Variants in MRPL12 observed in about 807,000 individuals in gnomAD.
MRPL12 encodes the protein mitochondrial ribosomal protein L12, also known as large ribosomal subunit protein bL12m.
MRPL12 carries 13 observed loss-of-function variants against 21.1 expected under a neutral mutation model. That is an observed-to-expected ratio of 0.62 (90% CI 0.40 to 0.98). The LOEUF is 0.98. Among genes scored for constraint, MRPL12 ranks in the 50% least tolerant of loss-of-function variants. MRPL12 has a pLI of 0.00. For synonymous variants in MRPL12, 126 were observed against 115.3 expected, an observed-to-expected ratio of 1.09 and a Z score of -0.60; for missense variants, 251 against 268.6, an observed-to-expected ratio of 0.93 and a Z score of 0.46.
At chr17:81,704,071 G>A (rs1176235106) in intron 1 of MRPL12, among the ~76,000 whole-genome samples, 173 bp from the exon 2 acceptor site, 2 of 152,142 alleles carry the variant, frequency 1.3e-5, no homozygotes, top group Non-Finnish European at 2.9e-5. Flanking sequence ...CGGACCCCTT[G>A]AGGTCTGAGA....
chr17:81,707,479 C>T lies in MRPL12; in HGVS notation c.*239C>T, dbSNP rs1173372869. 1.9e-6 allele frequency: 1 copy of T among 515,044 alleles called. No individual in the cohort carries two copies. The highest frequency in any genetic ancestry group is 3.5e-6 in the Non-Finnish European group (1 of 288,426). 31.9% of individuals were successfully genotyped at this position (515,044 alleles called of 1,614,324 possible). On this transcript the variant is annotated 3_prime_UTR_variant, in exon 5 of 5. Transcript: ENST00000333676. ...CCAGGACGCGCCACCGGTGAATGTGCCTCTGGTGGCTGCTGAGAAAAATAC... is the reference window on the plus strand; with the variant it reads ...CCAGGACGCGCCACCGGTGAATGTGTCTCTGGTGGCTGCTGAGAAAAATAC...
rs11546281 is a variant in MRPL12 at position 81,707,337 on chromosome 17, A to G, written c.*97A>G. ...GCTCCGCCCCCAGCACCAGGCGCCC[A>G]GTGGAGCCGTTTGGGAGAATTGCCT... On this transcript the variant is annotated 3_prime_UTR_variant, in exon 5 of 5. Transcript: ENST00000333676. The G allele has an allele frequency of 8.3e-7, 1 of 1,198,276 alleles. No individual in the cohort carries two copies. The highest frequency in any genetic ancestry group is 1.2e-6 in the Non-Finnish European group (1 of 855,890). 74.2% of individuals were successfully genotyped at this position (1,198,276 alleles called of 1,614,324 possible). A position where few individuals can be genotyped will look rare whatever the true frequency, so the allele number is the denominator to read the frequency against.
chr17:81,706,783 G>C, intron 3 of MRPL12, 123 bp from the exon 4 acceptor site: 2 of 1,198,058 alleles, frequency 1.7e-6, no homozygotes, highest in Non-Finnish European at 2.3e-6. Flanking sequence ...TCCAACTCCA[G>C]GCTTCGCTGG....
At chr17:81,707,084 G>T in intron 4 of MRPL12, 40 bp from the exon 5 acceptor site, 1 of 1,613,946 alleles carries the variant, frequency 6.2e-7, no homozygotes. Flanking sequence ...CCGTTGTGGT[G>T]GCCAGGGCCC....
At position 81,704,644 on chromosome 17, in the gene MRPL12, G is replaced by T. The variant is rs754148179; in HGVS notation, c.273G>T (p.Lys91Asn). 1 of 1,613,846 alleles carries T rather than the reference G, an allele frequency of 6.2e-7. No individual in the cohort carries two copies. The highest frequency in any genetic ancestry group is 1.3e-5 in the African/African-American group (1 of 74,938). ...DLNELLKKTL[K>N]IQDVGLVPMG... ...CTCTATCTCTGCAGAAAACGTTGAAGATCCAGGATGTCGGGCTTGTGCCGA... is the reference window on the plus strand; with the variant it reads ...CTCTATCTCTGCAGAAAACGTTGAATATCCAGGATGTCGGGCTTGTGCCGA... Residue 91 changes from lysine (K) to asparagine (N), a missense_variant, in exon 3 of 5, where the codon AAG becomes AAT. Transcript: ENST00000333676.
chr17:81,704,435 C>G lies in MRPL12; in HGVS notation c.261+5C>G, dbSNP rs767787425. On this transcript the variant is annotated splice_donor_5th_base_variant and intron_variant, in intron 2 of 4. Transcript: ENST00000333676. ...GACCTCAACGAGCTCCTGAAGGTATCGTGAGAGGGTGGCACAGACCCAGGG... is the reference window on the plus strand; with the variant it reads ...GACCTCAACGAGCTCCTGAAGGTATGGTGAGAGGGTGGCACAGACCCAGGG... 5 of 1,609,924 alleles carry G rather than the reference C, an allele frequency of 3.1e-6. No homozygotes were observed. The East Asian group carries it at 1.1e-4, about 36-fold the overall frequency.
intron 3 of MRPL12, among the ~76,000 whole-genome samples, chr17:81,706,361 C>T (rs1020075856): frequency 2.0e-5 from 3 of 152,088 alleles, no homozygotes; most frequent in Admixed American, 1.3e-4. Flanking sequence ...ATTCTCATGC[C>T]GCAGCCTCCC....
Position 81,704,421 on chromosome 17 carries a change from G to A in MRPL12, c.252G>A (p.Glu84=). Residue 84 remains glutamate (E), a synonymous_variant, in exon 2 of 5, where the codon GAG becomes GAA. Transcript: ENST00000333676. ...LTLLEISDLN[E]LLKKTLKIQD... The stretch of plus-strand genomic sequence containing the variant: ...TCTTGGAAATCTCAGACCTCAACGA[G>A]CTCCTGAAGGTATCGTGAGAGGGTG... The A allele has an allele frequency of 6.2e-7, 1 of 1,611,930 alleles. No individual in the cohort carries two copies. Among genetic ancestry groups the A allele is most frequent in the Non-Finnish European group, 8.5e-7 (1 of 1,179,030 alleles).
In MRPL12 at chr17:81,707,225, C is replaced by T. The variant is rs201467196; in HGVS notation, c.582C>T (p.Thr194=). 34 of 1,599,348 alleles carry T rather than the reference C, an allele frequency of 2.1e-5. No individual in the cohort carries two copies. In the East Asian group the frequency reaches 3.8e-4, roughly 18 times the overall value. ...IKAALEAVGG[T]VVLE ...CGGCCCTGGAGGCGGTGGGCGGCACCGTGGTTCTGGAGTAGCCTCCAGCTC... is the reference window on the plus strand; with the variant it reads ...CGGCCCTGGAGGCGGTGGGCGGCACTGTGGTTCTGGAGTAGCCTCCAGCTC... Residue 194 remains threonine (T), a synonymous_variant, in exon 5 of 5, where the codon ACC becomes ACT. Coordinates refer to ENST00000333676, the MANE Select transcript of MRPL12 (RefSeq NM_002949.4).
At position 81,704,676 on chromosome 17, in the gene MRPL12, G is replaced by A; in HGVS notation, c.305G>A (p.Gly102Asp). The change falls in exon 3 of 5, where the codon GGT (glycine) becomes GAT (aspartate). Residue 102 changes from glycine to aspartate, a missense_variant. By Grantham distance (94) the Gly-to-Asp change is moderately conservative (BLOSUM62 -1). Transcript: ENST00000333676. ...IQDVGLVPMG[G>D]VMSGAVPAAA... ...GATGTCGGGCTTGTGCCGATGGGTGGTGTGATGTCTGGGGCTGTCCCTGCT... is the reference window on the plus strand; with the variant it reads ...GATGTCGGGCTTGTGCCGATGGGTGATGTGATGTCTGGGGCTGTCCCTGCT... 2 of 1,613,924 alleles carry A rather than the reference G, an allele frequency of 1.2e-6. No individual in the cohort carries two copies. Among genetic ancestry groups the A allele is most frequent in the Non-Finnish European group, 8.5e-7 (1 of 1,179,984 alleles).
At position 81,707,300 on chromosome 17, in the gene MRPL12, C is replaced by A; in HGVS notation, c.*60C>A. ...GGGCCCCGGGCGAGGTCCCGCCCTC[C>A]CGTGGTCACTGGCTCCGCCCCCAGC... On this transcript the variant is annotated 3_prime_UTR_variant, in exon 5 of 5. Transcript: ENST00000333676. 6.8e-7 allele frequency: 1 copy of A among 1,463,756 alleles called. No individual in the cohort carries two copies. The highest frequency in any genetic ancestry group is 9.2e-7 in the Non-Finnish European group (1 of 1,088,152). The allele number at this position is 1,463,756 out of a possible 1,614,324, so 90.7% of individuals were successfully genotyped here.
intron 3 of MRPL12, among the ~76,000 whole-genome samples, chr17:81,706,533 G>A (rs2037315799): frequency 6.6e-6 from 1 of 152,184 alleles, no homozygotes; most frequent in Non-Finnish European, 1.5e-5. Flanking sequence ...TCCGAGGCAT[G>A]TTACAAAGAG....
chr17:81,705,506 A>G (rs1252576893), intron 3 of MRPL12, among the ~76,000 whole-genome samples: 2 of 152,162 alleles, frequency 1.3e-5, no homozygotes, highest in Admixed American at 1.3e-4. Context: ...GGAGAGTTCC[A>G]AGTTCAAGGT....
In MRPL12 at chr17:81,707,052, G is replaced by A. The variant is rs764871493; in HGVS notation, c.480+12G>A. On this transcript the variant is annotated intron_variant, in intron 4 of 4. Coordinates refer to ENST00000333676, the MANE Select transcript of MRPL12 (RefSeq NM_002949.4). ...TCAACCTCGTCCAGGTCTGTGCCGC[G>A]GTGGGGGTTCCGAGGCAGGTTCCGT... The A allele has an allele frequency of 8.7e-6, 14 of 1,613,966 alleles. No individual in the cohort carries two copies. Among genetic ancestry groups the A allele is most frequent in the African/African-American group, 8.0e-5 (6 of 74,954 alleles).
chr17:81,704,141 C>T (rs1402170055), intron 1 of MRPL12, 103 bp from the exon 2 acceptor site: 7 of 1,227,556 alleles, frequency 5.7e-6, no homozygotes, highest in African/African-American at 3.0e-5. Flanking sequence ...CCAGCCTGAG[C>T]TTATGGCACC....
intron 1 of MRPL12, 29 bp downstream of exon 1, chr17:81,703,604 CGGCAGG>C: frequency 1.5e-6 from 2 of 1,367,280 alleles, no homozygotes; most frequent in Non-Finnish European, 1.9e-6. Flanking sequence ...CGGTCCGGGC[CGGCAGG>C]CGGGTTAGGG....
chr17:81,703,439 C>G lies in MRPL12; in HGVS notation c.-63C>G. ...CTCCCCAGCTCGAATGCCCGGCGGC[C>G]GAGGCGGCTAGAGCGTCGCCTCCTC... On this transcript the variant is annotated 5_prime_UTR_variant, in exon 1 of 5. Coordinates refer to ENST00000333676, the MANE Select transcript of MRPL12 (RefSeq NM_002949.4). 1 of 1,390,316 alleles carries G rather than the reference C, an allele frequency of 7.2e-7. No individual in the cohort carries two copies. The highest frequency in any genetic ancestry group is 9.5e-7 in the Non-Finnish European group (1 of 1,052,818). 86.1% of individuals were successfully genotyped at this position (1,390,316 alleles called of 1,614,324 possible).
chr17:81,706,362 G>A (rs769690908), intron 3 of MRPL12, among the ~76,000 whole-genome samples: 12 of 151,984 alleles, frequency 7.9e-5, no homozygotes, highest in South Asian at 6.2e-4. Flanking sequence ...TTCTCATGCC[G>A]CAGCCTCCCG....
In MRPL12 at chr17:81,704,349, C is replaced by A. The variant is rs758438390; in HGVS notation, c.180C>A (p.Tyr60Ter). 1 of 1,613,096 alleles carries A rather than the reference C, an allele frequency of 6.2e-7. No homozygotes were observed. The change falls in exon 2 of 5, where the codon TAC becomes TAA. Residue 60 changes from tyrosine (Y) to a stop codon, truncating the protein, a stop_gained. Transcript: ENST00000333676. LOFTEE classifies it high-confidence loss of function. ...CCCTGGATAACGCCCCCAAGGAGTA[C>A]CCCCCCAAGATACAGCAGCTGGTCC... The part of the protein sequence containing the change: ...GAPLDNAPKE[Y>*]PPKIQQLVQD...
Sources: allele counts gnomAD v4.1 joint callset (sites outside exome capture counted in the v4.1 genomes callset), GRCh38; gene constraint gnomAD v4.1.1; transcripts MANE v1.5; gene names NCBI Gene and HGNC (gene_info 2026-07-23, HGNC 2026-07-21).